The following HECW2 variants were observed in gnomAD, a reference collection of about 807,000 sequenced individuals.
HECW2 encodes HECT, C2 and WW domain containing E3 ubiquitin protein ligase 2.
Under a neutral mutation model 175.2 loss-of-function variants are expected in HECW2, and 61 were observed. That is an observed-to-expected ratio of 0.35 (90% CI 0.28 to 0.43). The LOEUF (loss-of-function observed/expected upper bound fraction) is 0.43. Ranked by LOEUF, HECW2 falls within the 20% of genes least tolerant of loss-of-function variation. HECW2 has a pLI of 1.00. For synonymous variants in HECW2, 671 were observed against 731.0 expected (o/e 0.92, Z 1.32); for missense variants, 1,524 against 2,000.5 (o/e 0.76, Z 4.54).
At chr2:196,477,055 A>C (rs1686656586) in intron 1 of HECW2, among the ~76,000 whole-genome samples, 1 of 151,156 alleles carries the variant, frequency 6.6e-6, no homozygotes, top group African/African-American at 2.4e-5. Context: ...AGGTGAGAGG[A>C]TCACTTGAGC....
At chr2:196,286,387 C>CATATATATATATATATAT (rs201658582) in intron 14 of HECW2, among the ~76,000 whole-genome samples, 50 of 137,696 alleles carry the variant, frequency 3.6e-4, no homozygotes, top group African/African-American at 6.5e-4. Flanking sequence ...AGATGGAGGT[C>CATATATATATATATATAT]ATATATATAT....
chr2:196,534,486 G>A (rs898174681), intron 1 of HECW2, among the ~76,000 whole-genome samples: 10 of 152,100 alleles, frequency 6.6e-5, no homozygotes, highest in African/African-American at 2.2e-4. Context: ...TATAGCCTAA[G>A]GAGCATGGAA....
rs1257667834 is a variant in HECW2, at chr2:196,582,004, T to C, written c.-36+11504A>G. Among the ~76,000 whole-genome samples, 5 of 151,988 alleles carry C rather than the reference T, an allele frequency of 3.3e-5. No individual in the cohort carries two copies. The East Asian group carries it at 9.6e-4, about 29-fold the overall frequency. ...TGATGTGAACCCAGGAGGCGGAGCT[T>C]GCAGTGAGCTGAGATTGTGCCACTG... On this transcript the variant is annotated intron_variant, in intron 1 of 28. Coordinates refer to ENST00000644978, the MANE Select transcript of HECW2 (RefSeq NM_001348768.2).
At chr2:196,452,029 T>C (rs1176041795) in intron 1 of HECW2, among the ~76,000 whole-genome samples, 1 of 152,246 alleles carries the variant, frequency 6.6e-6, no homozygotes, top group Non-Finnish European at 1.5e-5. Flanking sequence ...TATTACCATT[T>C]TTATGTCATC....
intron 1 of HECW2, among the ~76,000 whole-genome samples, chr2:196,473,538 T>C (rs1024492987): frequency 1.3e-5 from 2 of 152,144 alleles, no homozygotes; most frequent in Non-Finnish European, 2.9e-5. Flanking sequence ...AAGTTAAAAA[T>C]AGAGATTATA....
intron 1 of HECW2, among the ~76,000 whole-genome samples, chr2:196,510,253 C>G (rs11685640): frequency 6.6e-6 from 1 of 152,166 alleles, no homozygotes; most frequent in African/African-American, 2.4e-5. Flanking sequence ...CCATCAGGCC[C>G]TTAGGAATTC....
intron 1 of HECW2, among the ~76,000 whole-genome samples, chr2:196,504,849 C>T (rs1252570820): frequency 2.0e-5 from 3 of 151,982 alleles, no homozygotes; most frequent in Admixed American, 2.0e-4. Context: ...CTTCACAAAA[C>T]TTTTATCAAC....
At chr2:196,235,729 C>T (rs1048011808) in intron 21 of HECW2, among the ~76,000 whole-genome samples, 2 of 140,318 alleles carry the variant, frequency 1.4e-5, no homozygotes, top group Non-Finnish European at 3.0e-5. Context: ...GATCTCGGCT[C>T]ACTGCAAGCT....
intron 2 of HECW2, among the ~76,000 whole-genome samples, chr2:196,397,128 ACAAAAC>A (rs1400420527): frequency 2.3e-4 from 4 of 17,350 alleles, no homozygotes; most frequent in Admixed American, 2.2e-3. Context: ...ACAAAACAAA[ACAAAAC>A]AAAAAAAAAA....
chr2:196,402,158 A>G (rs1045433259), intron 2 of HECW2, among the ~76,000 whole-genome samples: 2 of 126,950 alleles, frequency 1.6e-5, no homozygotes, highest in East Asian at 5.7e-4. Flanking sequence ...CCGAGATGGC[A>G]CCACTGCACT....
chr2:196,580,006 G>A (rs1350276948), intron 1 of HECW2, among the ~76,000 whole-genome samples: 1 of 151,860 alleles, frequency 6.6e-6, no homozygotes, highest in Non-Finnish European at 1.5e-5. Flanking sequence ...CATGATAACA[G>A]CAACCAAAAA....
intron 1 of HECW2, among the ~76,000 whole-genome samples, chr2:196,545,226 C>T (rs143063177): frequency 2.8e-4 from 42 of 152,250 alleles, no homozygotes; most frequent in African/African-American, 1.0e-3. Flanking sequence ...CATTCATCAC[C>T]CATGATGAGA....
intron 2 of HECW2, among the ~76,000 whole-genome samples, chr2:196,432,454 T>C (rs1408587708): frequency 1.3e-5 from 2 of 152,266 alleles, no homozygotes; most frequent in Non-Finnish European, 2.9e-5. Context: ...TGCTTTCCAA[T>C]GTGGCAGACA....
At chr2:196,441,367 A>AC (rs1445476402) in intron 1 of HECW2, among the ~76,000 whole-genome samples, 4 of 40,444 alleles carry the variant, frequency 9.9e-5, no homozygotes, top group African/African-American at 3.5e-4. Flanking sequence ...CACAACATAC[A>AC]ACACACACAC....
chr2:196,320,300 C>A, intron 8 of HECW2, 39 bp downstream of exon 8: 1 of 1,223,124 alleles, frequency 8.2e-7, no homozygotes, highest in Non-Finnish European at 1.2e-6. Flanking sequence ...CAAGTTTTTC[C>A]TATAGCAATG....
chr2:196,255,440 G>A (rs1002734664), intron 18 of HECW2, among the ~76,000 whole-genome samples: 2 of 151,906 alleles, frequency 1.3e-5, no homozygotes, highest in African/African-American at 4.8e-5. Context: ...TCTGATAGAG[G>A]TATATTTTTT....
At chr2:196,399,050 T>C (rs545567985) in intron 2 of HECW2, among the ~76,000 whole-genome samples, 1 of 152,324 alleles carries the variant, frequency 6.6e-6, no homozygotes, top group South Asian at 2.1e-4. Context: ...AATGTTATTA[T>C]ATGATTTTAT....
chr2:196,528,775 C>T lies in HECW2; in HGVS notation c.-36+64733G>A, dbSNP rs193065624. ...GAATGAGGAGAAAGAATTCCACATC[C>T]CTCTAACTTTTCATTCTGCAGAACT... On this transcript the variant is annotated intron_variant, in intron 1 of 28. Transcript: ENST00000644978. Among the ~76,000 whole-genome samples the T allele has an allele frequency of 3.7e-3, 564 of 152,324 alleles. 1 individual carries two copies. Among genetic ancestry groups the T allele is most frequent in the Middle Eastern group, 6.8e-3 (2 of 294 alleles).
At chr2:196,372,976 T>C (rs1200615986) in intron 2 of HECW2, among the ~76,000 whole-genome samples, 1 of 152,184 alleles carries the variant, frequency 6.6e-6, no homozygotes, top group Non-Finnish European at 1.5e-5. Context: ...GCACAGCCAG[T>C]ACAATTTTGA....
Sources: allele counts gnomAD v4.1 joint callset (sites outside exome capture counted in the v4.1 genomes callset), GRCh38; gene constraint gnomAD v4.1.1; transcripts MANE v1.5; gene names NCBI Gene and HGNC (gene_info 2026-07-23, HGNC 2026-07-21).